Variants in TMEM108 observed in about 807,000 individuals in gnomAD.
TMEM108 encodes the protein transmembrane protein 108.
In TMEM108, 12 loss-of-function variants were observed where a neutral mutation model predicts 35.1. That is an observed-to-expected ratio of 0.34 (90% confidence interval 0.22 to 0.55). TMEM108 has a LOEUF of 0.55. TMEM108 is among the 20% of genes least tolerant of loss of function. TMEM108 has a pLI of 0.89. For synonymous variants in TMEM108, 287 were observed against 308.6 expected, an observed-to-expected ratio of 0.93 and a Z score of 0.73; for missense variants, 680 against 753.3, an observed-to-expected ratio of 0.90 and a Z score of 1.14.
chr3:133,269,536 T>C (rs577753354), intron 3 of TMEM108, among the ~76,000 whole-genome samples: 12 of 152,298 alleles, frequency 7.9e-5, no homozygotes, highest in Admixed American at 6.5e-4. Context: ...AATGGCTTCA[T>C]TGGCATATGT....
chr3:133,099,443 C>T (rs902243291), intron 2 of TMEM108, among the ~76,000 whole-genome samples: 1 of 152,184 alleles, frequency 6.6e-6, no homozygotes, highest in South Asian at 2.1e-4. Context: ...ACATTAGGCT[C>T]CTTGCTACTT....
chr3:133,096,655 G>A (rs1052959576), intron 2 of TMEM108, among the ~76,000 whole-genome samples: 1 of 152,172 alleles, frequency 6.6e-6, no homozygotes, highest in Non-Finnish European at 1.5e-5. Flanking sequence ...TAAAATAGAT[G>A]ACAGATGGTA....
intron 3 of TMEM108, among the ~76,000 whole-genome samples, chr3:133,301,002 A>G (rs1447142349): frequency 1.1e-4 from 7 of 66,084 alleles, no homozygotes; most frequent in African/African-American, 2.9e-4. Flanking sequence ...ACACACACAC[A>G]CACACACACA....
intron 3 of TMEM108, among the ~76,000 whole-genome samples, chr3:133,278,143 T>C (rs1946863595): frequency 6.6e-6 from 1 of 152,208 alleles, no homozygotes; most frequent in Non-Finnish European, 1.5e-5. Flanking sequence ...AGGATGGAAT[T>C]AACTCTGGAC....
At chr3:133,390,484 C>T in intron 5 of TMEM108, 150 bp downstream of exon 5, 1 of 873,436 alleles carries the variant, frequency 1.1e-6, no homozygotes, top group Admixed American at 2.5e-5. Flanking sequence ...GTAGGCCCTA[C>T]CCTGGTCCTA....
intron 3 of TMEM108, among the ~76,000 whole-genome samples, chr3:133,370,764 G>T (rs72980039): frequency 0.036 from 5,466 of 152,148 alleles, 346 homozygotes; most frequent in African/African-American, 0.12. Context: ...ACCGCAAATT[G>T]TATTTCCTTC....
intron 2 of TMEM108, among the ~76,000 whole-genome samples, chr3:133,164,535 T>C (rs1189504268): frequency 6.6e-6 from 1 of 152,136 alleles, no homozygotes; most frequent in Non-Finnish European, 1.5e-5. Flanking sequence ...GAATCTTAGG[T>C]TTGGGAGCAT....
At chr3:133,273,903 G>A (rs912940710) in intron 3 of TMEM108, among the ~76,000 whole-genome samples, 16 of 152,190 alleles carry the variant, frequency 1.1e-4, no homozygotes, top group African/African-American at 3.6e-4. Context: ...AGTCTTATAG[G>A]ATAGATATTC....
At chr3:133,092,172 C>A (rs1349929736) in intron 2 of TMEM108, among the ~76,000 whole-genome samples, 1 of 152,138 alleles carries the variant, frequency 6.6e-6, no homozygotes, top group Non-Finnish European at 1.5e-5. Context: ...ATCATTTGAG[C>A]CTTGATTTTA....
At chr3:133,199,643 T>C (rs1945630777) in intron 2 of TMEM108, among the ~76,000 whole-genome samples, 1 of 152,164 alleles carries the variant, frequency 6.6e-6, no homozygotes, top group African/African-American at 2.4e-5. Flanking sequence ...ATCGTTCCTC[T>C]GGAAGCTTCG....
At chr3:133,133,769 C>T (rs1016501751) in intron 2 of TMEM108, among the ~76,000 whole-genome samples, 15 of 150,380 alleles carry the variant, frequency 1.0e-4, no homozygotes, top group Non-Finnish European at 2.1e-4. Flanking sequence ...TGGCTCACTG[C>T]AAACTCTGCC....
In TMEM108 at chr3:133,083,333, CTCAG is replaced by C. The variant is rs549041626; in HGVS notation, c.-47+37317_-47+37320del. 1.2e-4 allele frequency among the ~76,000 whole-genome samples: 18 copies of C among 152,276 alleles called. No homozygotes were observed. The East Asian group carries it at 3.3e-3, about 28-fold the overall frequency. On this transcript the variant is annotated intron_variant, in intron 2 of 5. Transcript: ENST00000321871. ...CCCAGCACCTCACACATACTGAGTG[CTCAG>C]TCAATCTGTTGAATAAATGGATTGA...
intron 3 of TMEM108, among the ~76,000 whole-genome samples, chr3:133,365,695 A>C (rs763169653): frequency 7.9e-5 from 12 of 152,108 alleles, no homozygotes; most frequent in Non-Finnish European, 1.5e-4. Flanking sequence ...CTTTCAGGGG[A>C]TGCACTTAAG....
At chr3:133,283,267 C>G (rs182479625) in intron 3 of TMEM108, among the ~76,000 whole-genome samples, 34 of 152,138 alleles carry the variant, frequency 2.2e-4, no homozygotes, top group African/African-American at 6.3e-4. Flanking sequence ...GATTAATAAC[C>G]CAGCATCCTA....
chr3:133,346,882 G>A lies in TMEM108; in HGVS notation c.41-32870G>A, dbSNP rs1197286. ...GTGGATGTCCAGTTGTCCTGGCACC[G>A]TTTATTGAACAAACAGTCCTTTCTC... On this transcript the variant is annotated intron_variant, in intron 3 of 5. Coordinates refer to ENST00000321871, the MANE Select transcript of TMEM108 (RefSeq NM_023943.4). This position sits in a 1 kb window ranked among gnomAD's most constrained non-coding sequence, Gnocchi z 4.0. Among the ~76,000 whole-genome samples, 149,809 of 152,230 alleles carry A rather than the reference G, an allele frequency of 0.98. 73,754 individuals are homozygous for A. Among genetic ancestry groups the A allele is most frequent in the Non-Finnish European group, 1 (67,932 of 67,970 alleles).
At chr3:133,135,832 A>G (rs1024766209) in intron 2 of TMEM108, among the ~76,000 whole-genome samples, 1 of 152,224 alleles carries the variant, frequency 6.6e-6, no homozygotes, top group Non-Finnish European at 1.5e-5. Context: ...GCTTGAAAGC[A>G]CAGGAAGGAG....
At chr3:133,265,650 G>A (rs1436440705) in intron 3 of TMEM108, among the ~76,000 whole-genome samples, 9 of 152,148 alleles carry the variant, frequency 5.9e-5, no homozygotes, top group African/African-American at 1.9e-4. Flanking sequence ...GGAATGAAGA[G>A]GTGTCTGCTG....
intron 2 of TMEM108, among the ~76,000 whole-genome samples, chr3:133,134,919 T>C (rs1010026248): frequency 6.6e-6 from 1 of 152,194 alleles, no homozygotes; most frequent in Non-Finnish European, 1.5e-5. Flanking sequence ...GTTTGCTCTA[T>C]GTCTGTCTGC....
chr3:133,386,720 T>C, intron 4 of TMEM108: 1 of 1,352,724 alleles, frequency 7.4e-7, no homozygotes, highest in Non-Finnish European at 9.5e-7. Context: ...ATCTTGTGTT[T>C]GCATAGAGCT....
Sources: allele counts gnomAD v4.1 joint callset (sites outside exome capture counted in the v4.1 genomes callset), GRCh38; gene constraint gnomAD v4.1.1; non-coding constraint Gnocchi (gnomAD v3.1); transcripts MANE v1.5; gene names NCBI Gene and HGNC (gene_info 2026-07-23, HGNC 2026-07-21).